The following HERC1 variants were observed in gnomAD, a reference collection of about 807,000 sequenced individuals.
HERC1 encodes the protein probable E3 ubiquitin-protein ligase HERC1.
Under a neutral mutation model 554.3 loss-of-function variants are expected in HERC1, and 160 were observed. That is an observed-to-expected ratio of 0.29 (90% confidence interval 0.25 to 0.33). The LOEUF (loss-of-function observed/expected upper bound fraction) is 0.33. Among genes scored for constraint, HERC1 ranks in the 10% least tolerant of loss-of-function variants. The probability of loss-of-function intolerance (pLI) is 1.00; values close to 1 mark genes in which losing one functional copy is unlikely to be tolerated. For missense variants in HERC1, 4,919 were observed against 5,918.5 expected, an observed-to-expected ratio of 0.83 and a Z score of 5.54; for synonymous variants, 2,175 against 2,131.7, an observed-to-expected ratio of 1.02 and a Z score of -0.56.
Position 63,630,595 on chromosome 15 carries a change from G to A in HERC1, c.12837C>T (p.His4279=). ...GGACAGGGATTTGTTGCGGTCGATT[G>A]TGATTGCGAGCACGCCCCTCTGGCA... ...IGLPEGRARN[H]NRPQQIPVLA... Residue 4279 remains histidine (H), a synonymous_variant, in exon 69 of 78, where the codon CAC becomes CAT. Transcript: ENST00000443617. 1 of 1,613,438 alleles carries A rather than the reference G, an allele frequency of 6.2e-7. No homozygotes were observed.
Position 63,734,954 on chromosome 15 carries a change from A to G in HERC1, c.2521-105T>C. 3 of 930,212 alleles carry G rather than the reference A, an allele frequency of 3.2e-6. No homozygotes were observed. Among genetic ancestry groups the G allele is most frequent in the Non-Finnish European group, 4.7e-6 (3 of 632,610 alleles). 57.6% of individuals were successfully genotyped at this position (930,212 alleles called of 1,614,324 possible). On this transcript the variant is annotated intron_variant, in intron 12 of 77. Coordinates refer to ENST00000443617, the MANE Select transcript of HERC1 (RefSeq NM_003922.4). The surrounding 1 kb of genome is among the most constrained non-coding windows in gnomAD (Gnocchi z 4.6). ...ACTACTAGGATCATGTAAGTCTAAA[A>G]AAGATGGCATGATAAAAAAGAAAGC...
chr15:63,734,960 G>T lies in HERC1; in HGVS notation c.2521-111C>A. The T allele has an allele frequency of 1.1e-6, 1 of 891,250 alleles. No homozygotes were observed. Among genetic ancestry groups the T allele is most frequent in the Non-Finnish European group, 1.7e-6 (1 of 602,886 alleles). 55.2% of individuals were successfully genotyped at this position (891,250 alleles called of 1,614,324 possible). ...AGGATCATGTAAGTCTAAAAAAGAT[G>T]GCATGATAAAAAAGAAAGCATGCAA... On this transcript the variant is annotated intron_variant, in intron 12 of 77. Transcript: ENST00000443617. The surrounding 1 kb of genome is among the most constrained non-coding windows in gnomAD (Gnocchi z 4.6).
chr15:63,708,851 C>T (rs1212674272), intron 24 of HERC1, among the ~76,000 whole-genome samples: 1 of 152,174 alleles, frequency 6.6e-6, no homozygotes, highest in East Asian at 1.9e-4. Context: ...CTTCATCCAC[C>T]CCAGGCTCTC....
In HERC1 at chr15:63,612,349, C is replaced by T; in HGVS notation, c.14302G>A (p.Glu4768Lys). The change falls in exon 77 of 78, where the codon GAG (glutamate) becomes AAG (lysine). Residue 4768 changes from glutamate (E) to lysine (K), a missense_variant. By Grantham distance (56) the Glu-to-Lys change is moderately conservative. This residue lies in a region of HERC1 where 284 missense variants were observed against 294.1 expected (regional missense o/e 0.97). Transcript: ENST00000443617. This position sits in a 1 kb window ranked among gnomAD's most constrained non-coding sequence, Gnocchi z 5.0. ...WHTLEEFSNE[E>K]RVLFMRFVSG... is the part of the protein sequence containing the mutation. ...ACAAACCTCATGAAAAGCACCCGCT[C>T]CTCATTGGAGAACTCTTCCAGCGTG... The T allele has an allele frequency of 1.2e-6, 2 of 1,614,046 alleles. No homozygotes were observed. The highest frequency in any genetic ancestry group is 1.7e-6 in the Non-Finnish European group (2 of 1,179,880).
intron 31 of HERC1, among the ~76,000 whole-genome samples, chr15:63,691,443 G>A (rs2072103001): frequency 6.6e-6 from 1 of 151,766 alleles, no homozygotes; most frequent in African/African-American, 2.4e-5. Context: ...TCCAGCCTGG[G>A]CGACACAGAG....
chr15:63,677,162 T>G lies in HERC1; in HGVS notation c.7070+683A>C, dbSNP rs540840197. Among the ~76,000 whole-genome samples, 8 of 152,330 alleles carry G rather than the reference T, an allele frequency of 5.3e-5. No individual in the cohort carries two copies. In the East Asian group the frequency reaches 1.2e-3, roughly 22 times the overall value. On this transcript the variant is annotated intron_variant, in intron 37 of 77. Transcript: ENST00000443617. The surrounding 1 kb of genome is among the most constrained non-coding windows in gnomAD (Gnocchi z 4.4). ...CCAACATGATGCTCAATGGAAATAT[T>G]CATTGGAGCACTTTGGATTTTGGAT...
intron 73 of HERC1, 64 bp downstream of exon 73, chr15:63,623,661 T>C: frequency 6.7e-7 from 1 of 1,497,202 alleles, no homozygotes; most frequent in Non-Finnish European, 9.3e-7. Context: ...GAGTGATCAC[T>C]GGAAACAGCA....
chr15:63,611,841 C>T (rs1262001911), intron 77 of HERC1, among the ~76,000 whole-genome samples: 3 of 152,244 alleles, frequency 2.0e-5, no homozygotes, highest in South Asian at 2.1e-4. Context: ...AAGCATGAAT[C>T]GGCAGGCCTA....
intron 64 of HERC1, 131 bp from the exon 65 acceptor site, chr15:63,636,273 GTT>G (rs377344540): frequency 9.5e-3 from 4,946 of 519,148 alleles, no homozygotes; most frequent in Middle Eastern, 0.018. Flanking sequence ...AATTTCATTA[GTT>G]TTTTTTTTTT....
At chr15:63,716,555 T>C in intron 21 of HERC1, 82 bp from the exon 22 acceptor site, 1 of 1,171,734 alleles carries the variant, frequency 8.5e-7, no homozygotes, top group African/African-American at 1.6e-5. Flanking sequence ...TAATTTTTTA[T>C]CATGGAAAAT....
chr15:63,625,852 G>T, intron 71 of HERC1, 133 bp downstream of exon 71: 2 of 881,792 alleles, frequency 2.3e-6, no homozygotes, highest in Non-Finnish European at 3.7e-6. Flanking sequence ...AATGGGAATA[G>T]AAGTGTTATC....
chr15:63,795,251 T>C (rs2076778919), intron 1 of HERC1, among the ~76,000 whole-genome samples: 1 of 152,094 alleles, frequency 6.6e-6, no homozygotes. Flanking sequence ...TTACTAAAGC[T>C]TGCCTTTTTC....
At chr15:63,638,826 C>A (rs2068901398) in intron 61 of HERC1, 50 bp from the exon 62 acceptor site, 2 of 1,338,176 alleles carry the variant, frequency 1.5e-6, no homozygotes, top group Non-Finnish European at 2.2e-6. Flanking sequence ...GCAAGATGCA[C>A]CTGCTCTTAA....
intron 2 of HERC1, 52 bp downstream of exon 2, chr15:63,774,642 G>A: frequency 4.4e-6 from 6 of 1,372,054 alleles, no homozygotes; most frequent in African/African-American, 1.5e-5. Flanking sequence ...AAACTGCATT[G>A]ACTTTTCCAA....
At chr15:63,610,633 C>T (rs1369357302) in intron 77 of HERC1, among the ~76,000 whole-genome samples, 4 of 152,216 alleles carry the variant, frequency 2.6e-5, no homozygotes, top group African/African-American at 7.2e-5. Context: ...ATAATCCTTC[C>T]TGCACGTGGC....
At chr15:63,819,536 T>C (rs1188913266) in intron 1 of HERC1, among the ~76,000 whole-genome samples, 2 of 152,174 alleles carry the variant, frequency 1.3e-5, no homozygotes, top group Non-Finnish European at 2.9e-5. Context: ...TTCACTAATA[T>C]TCACTTTTTA....
intron 1 of HERC1, among the ~76,000 whole-genome samples, chr15:63,777,843 A>T (rs1025848999): frequency 5.3e-5 from 8 of 152,276 alleles, no homozygotes; most frequent in Admixed American, 3.3e-4. Flanking sequence ...GATTTTTTTT[A>T]AAAACCTGAG....
At chr15:63,672,369 A>T in intron 39 of HERC1, 127 bp downstream of exon 39, 1 of 643,524 alleles carries the variant, frequency 1.6e-6, no homozygotes, top group Non-Finnish European at 2.6e-6. Flanking sequence ...TTGACTATAT[A>T]ATCTCTTAGT....
chr15:63,637,096 C>T (rs1566960538), intron 64 of HERC1: 3 of 456,396 alleles, frequency 6.6e-6, no homozygotes, highest in Non-Finnish European at 1.3e-5. Context: ...GTTCTCTCTC[C>T]AAGTCACAAA....
Sources: gnomAD v4.1 joint callset for allele counts (sites outside exome capture counted in the v4.1 genomes callset) on GRCh38, gnomAD v4.1.1 for gene constraint, gnomAD v4.1.1 regional missense constraint, Gnocchi (gnomAD v3.1) non-coding constraint, MANE v1.5 for transcripts, NCBI Gene and HGNC (gene_info 2026-07-23, HGNC 2026-07-21) for gene names.